Variants in NEO1 observed in about 807,000 individuals in gnomAD.
NEO1 encodes the protein neogenin 1, also known as neogenin.
In NEO1, 63 loss-of-function variants were observed where a neutral mutation model predicts 159.7. That is an observed-to-expected ratio of 0.39 (90% CI 0.32 to 0.49). The LOEUF is 0.49. NEO1 is among the 20% of genes least tolerant of loss of function. NEO1 has a pLI of 0.85. For missense variants in NEO1, 1,615 were observed against 1,831.0 expected (o/e 0.88, Z 2.15); for synonymous variants, 633 against 662.0 (o/e 0.96, Z 0.67).
At chr15:73,242,042 T>C (rs1177657444) in intron 8 of NEO1, among the ~76,000 whole-genome samples, 1 of 152,218 alleles carries the variant, frequency 6.6e-6, no homozygotes, top group Non-Finnish European at 1.5e-5. Context: ...TTCTGCTACG[T>C]GCTTCTGTCG....
chr15:73,260,726 G>T (rs956092384), intron 15 of NEO1, among the ~76,000 whole-genome samples: 3 of 152,148 alleles, frequency 2.0e-5, no homozygotes, highest in African/African-American at 7.2e-5. Flanking sequence ...GGGTAGAAGT[G>T]TTGGGTTTCT....
chr15:73,272,622 C>T (rs2041223509), intron 19 of NEO1, 60 bp downstream of exon 19: 1 of 1,185,364 alleles, frequency 8.4e-7, no homozygotes, highest in Admixed American at 1.8e-5. Flanking sequence ...AGGAGTATTC[C>T]AGGAGAGTAC....
At chr15:73,058,558 A>G (rs951620040) in intron 1 of NEO1, among the ~76,000 whole-genome samples, 2 of 152,196 alleles carry the variant, frequency 1.3e-5, no homozygotes, top group Admixed American at 6.5e-5. Context: ...TCCCCCATAT[A>G]GGATTGCTGG....
chr15:73,131,685 A>G (rs1000993080), intron 4 of NEO1, among the ~76,000 whole-genome samples: 1 of 152,134 alleles, frequency 6.6e-6, no homozygotes, highest in Non-Finnish European at 1.5e-5. Flanking sequence ...AGTCTTTTCA[A>G]AGCTCTTATT....
At chr15:73,236,569 C>A in intron 8 of NEO1, 63 bp downstream of exon 8, 1 of 1,456,166 alleles carries the variant, frequency 6.9e-7, no homozygotes, top group South Asian at 1.2e-5. Flanking sequence ...TTGTCATGCT[C>A]ACCCTGGCTC....
chr15:73,263,980 G>A (rs1054738724), intron 15 of NEO1, among the ~76,000 whole-genome samples: 5 of 152,130 alleles, frequency 3.3e-5, no homozygotes, highest in Admixed American at 6.5e-5. Flanking sequence ...GAGCCCAGAC[G>A]TTCAAGACCA....
chr15:73,298,623 T>G lies in NEO1; in HGVS notation c.4165+12T>G, dbSNP rs371921345. Reference sequence around the variant, plus strand: ...ACTGTCCCAGCAAGGTGAGTGAGGATGGCAGCACACCTGGAGGGAGCACAC... The same window carrying G: ...ACTGTCCCAGCAAGGTGAGTGAGGAGGGCAGCACACCTGGAGGGAGCACAC... On this transcript the variant is annotated intron_variant, in intron 27 of 28. Transcript: ENST00000261908. The G allele has an allele frequency of 1.9e-6, 3 of 1,614,034 alleles. No individual in the cohort carries two copies. In the African/African-American group the frequency reaches 4.0e-5, roughly 22 times the overall value.
At chr15:73,270,646 G>A (rs1008040510) in intron 18 of NEO1, among the ~76,000 whole-genome samples, 192 bp downstream of exon 18, 2 of 152,160 alleles carry the variant, frequency 1.3e-5, no homozygotes, top group Admixed American at 1.3e-4. Context: ...GATACTACAG[G>A]GAAAACATGA....
chr15:73,282,496 G>GA (rs2041767479), intron 22 of NEO1, among the ~76,000 whole-genome samples: 1 of 152,126 alleles, frequency 6.6e-6, no homozygotes, highest in Admixed American at 6.5e-5. Context: ...TACTTTTCAT[G>GA]CAATTTTTAT....
At chr15:73,194,321 A>G (rs2036409566) in intron 7 of NEO1, among the ~76,000 whole-genome samples, 1 of 152,140 alleles carries the variant, frequency 6.6e-6, no homozygotes, top group African/African-American at 2.4e-5. Context: ...ATGGCTTTGT[A>G]TTAGTTCATT....
intron 4 of NEO1, among the ~76,000 whole-genome samples, chr15:73,131,077 T>G (rs1266429324): frequency 2.6e-5 from 4 of 152,042 alleles, no homozygotes; most frequent in Non-Finnish European, 1.5e-5. Context: ...ACACCCACTT[T>G]CTCTGCTAGA....
intron 4 of NEO1, among the ~76,000 whole-genome samples, chr15:73,127,118 C>T (rs1000070741): frequency 6.6e-6 from 1 of 151,904 alleles, no homozygotes; most frequent in African/African-American, 2.4e-5. Context: ...GTAGTCCCAG[C>T]TACTCGGGAG....
At chr15:73,232,729 A>G (rs1428792336) in intron 7 of NEO1, among the ~76,000 whole-genome samples, 1 of 152,122 alleles carries the variant, frequency 6.6e-6, no homozygotes, top group Non-Finnish European at 1.5e-5. Context: ...GCTTGCCTCA[A>G]TGAGATACAA....
intron 1 of NEO1, among the ~76,000 whole-genome samples, chr15:73,067,999 G>T (rs1208464993): frequency 6.6e-6 from 1 of 151,996 alleles, no homozygotes; most frequent in Admixed American, 6.6e-5. Flanking sequence ...TTTTAGATTT[G>T]CAACCATTTA....
rs577530914 is a variant in NEO1 at position 73,192,552 on chromosome 15, G to A, written c.1291+14125G>A. On this transcript the variant is annotated intron_variant, in intron 7 of 28. Transcript: ENST00000261908. ...TTTATCTTACAGATATAGTTACTAA[G>A]TATTTAAAGATTCATATGTTAGACT... Among the ~76,000 whole-genome samples, 3 of 151,908 alleles carry A rather than the reference G, an allele frequency of 2.0e-5. No homozygotes were observed. In the South Asian group the frequency reaches 6.2e-4, roughly 32 times the overall value.
chr15:73,166,363 T>A (rs1462803874), intron 5 of NEO1, among the ~76,000 whole-genome samples: 1 of 152,224 alleles, frequency 6.6e-6, no homozygotes, highest in East Asian at 1.9e-4. Context: ...GTTACCAAAC[T>A]GAACTTCGGT....
Position 73,052,696 on chromosome 15 carries a change from C to T in NEO1, c.21C>T (p.Ala7=). MAAERG[A]RRLLSTPSFW... ...AAGAGATGGCGGCGGAGCGGGGAGC[C>T]CGGCGACTCCTCAGCACCCCCTCCT... Residue 7 remains alanine (A), a synonymous_variant, in exon 1 of 29, where the codon GCC becomes GCT. Transcript: ENST00000261908. The T allele has an allele frequency of 7.4e-7, 1 of 1,359,162 alleles. No homozygotes were observed. The highest frequency in any genetic ancestry group is 9.5e-7 in the Non-Finnish European group (1 of 1,048,960). The allele number at this position is 1,359,162 out of a possible 1,614,324, so 84.2% of individuals were successfully genotyped here.
Position 73,254,744 on chromosome 15 carries a change from C to G in NEO1, c.2007C>G (p.Tyr669Ter). The G allele has an allele frequency of 6.2e-7, 1 of 1,614,070 alleles. No homozygotes were observed. Among genetic ancestry groups the G allele is most frequent in the Non-Finnish European group, 8.5e-7 (1 of 1,179,982 alleles). ...CACAAAATGGGCAGATTACTGGCTA[C>G]AAGATTCGCTACCGAAAGGCCTCCC... ...PATQNGQITGYKIRYRKASRK... is the reference protein window; with the variant it reads ...PATQNGQITG The change falls in exon 13 of 29, where the codon TAC becomes TAG. Residue 669 changes from tyrosine to a stop codon, truncating the protein, a stop_gained. Transcript: ENST00000261908. LOFTEE classifies it high-confidence loss of function.
At chr15:73,130,835 C>T (rs942719313) in intron 4 of NEO1, among the ~76,000 whole-genome samples, 1 of 152,234 alleles carries the variant, frequency 6.6e-6, no homozygotes, top group Non-Finnish European at 1.5e-5. Context: ...CATGTAGTAG[C>T]AAGGCTCGCT....
Sources: gnomAD v4.1 joint callset for allele counts (sites outside exome capture counted in the v4.1 genomes callset) on GRCh38, gnomAD v4.1.1 for gene constraint, MANE v1.5 for transcripts, NCBI Gene and HGNC (gene_info 2026-07-23, HGNC 2026-07-21) for gene names.